IQCE: variants seen among roughly 807,000 people sequenced by gnomAD.
The protein encoded by IQCE is IQ motif containing E.
In IQCE, 115 loss-of-function variants were observed where a neutral mutation model predicts 96.0. The observed-to-expected ratio is 1.20, with a 90% confidence interval of 1.03 to 1.40. IQCE has a LOEUF of 1.40. IQCE is among the 40% of genes most tolerant of loss of function. The pLI is 0.00. For missense variants in IQCE, 1,041 were observed against 909.1 expected, an observed-to-expected ratio of 1.15 and a Z score of -1.87; for synonymous variants, 412 against 371.2, an observed-to-expected ratio of 1.11 and a Z score of -1.26.
Position 2,610,092 on chromosome 7 carries a change from A to G in IQCE, c.2018A>G (p.Asp673Gly). The G allele has an allele frequency of 6.2e-7, 1 of 1,613,188 alleles. No individual in the cohort carries two copies. Among genetic ancestry groups the G allele is most frequent in the South Asian group, 1.1e-5 (1 of 91,070 alleles). ...PQALAPLPGDDVNSDDSDDIV... is the reference protein window; with the variant it reads ...PQALAPLPGDGVNSDDSDDIV... ...GCCTTGGCACCTCTACCTGGGGATG[A>G]CGTCAACTCCGATGATTCCGACGAT... Residue 673 changes from aspartate (D) to glycine (G), a missense_variant, in exon 22 of 22, where the codon GAC (aspartate) becomes GGC (glycine). Physicochemically the swap from Asp to Gly is moderately conservative, Grantham distance 94 (BLOSUM62 -1). Transcript: ENST00000402050.
At chr7:2,587,041 G>T (rs1396690484) in intron 12 of IQCE, among the ~76,000 whole-genome samples, 2 of 152,206 alleles carry the variant, frequency 1.3e-5, no homozygotes, top group Non-Finnish European at 2.9e-5. Flanking sequence ...CTGGATGGGG[G>T]CAGCAGTGGG....
Position 2,570,857 on chromosome 7 carries a change from A to G in IQCE, c.131-669A>G, listed in dbSNP as rs531973835. 2.0e-5 allele frequency among the ~76,000 whole-genome samples: 3 copies of G among 152,286 alleles called. No individual in the cohort carries two copies. The South Asian group carries it at 6.2e-4, about 32-fold the overall frequency. ...AAGTTCTAAATATTGCTCTGTCACT[A>G]TGTAGTGACATTAAAAATGTGACAT... On this transcript the variant is annotated intron_variant, in intron 3 of 21. Coordinates refer to ENST00000402050, the MANE Select transcript of IQCE (RefSeq NM_152558.5).
At chr7:2,593,843 C>T (rs185597557) in intron 15 of IQCE, among the ~76,000 whole-genome samples, 65 of 152,242 alleles carry the variant, frequency 4.3e-4, no homozygotes, top group African/African-American at 1.5e-3. Flanking sequence ...TGAATTATAC[C>T]CTTTAAAATA....
chr7:2,592,074 A>G (rs941627684), intron 14 of IQCE, among the ~76,000 whole-genome samples: 1 of 152,084 alleles, frequency 6.6e-6, no homozygotes, highest in South Asian at 2.1e-4. Context: ...GGCGTGAGCC[A>G]CCGCGCCCGG....
Position 2,571,581 on chromosome 7 carries a change from G to C in IQCE, c.186G>C (p.Thr62=). The C allele has an allele frequency of 1.2e-6, 2 of 1,604,380 alleles. No homozygotes were observed. Among genetic ancestry groups the C allele is most frequent in the Non-Finnish European group, 1.7e-6 (2 of 1,179,964 alleles). The change falls in exon 4 of 22, where the codon ACG becomes ACC. Residue 62 remains threonine, a synonymous_variant. Transcript: ENST00000402050. The stretch of plus-strand genomic sequence containing the variant: ...TGGCCTCCTGGAGGTCCCTCAGGAC[G>C]GCAGGGAGCATGCCTCTGGGCGGCC... ...RKVASWRSLR[T]AGSMPLGGRA...
At chr7:2,584,131 C>A in intron 10 of IQCE, 105 bp from the exon 11 acceptor site, 1 of 1,009,502 alleles carries the variant, frequency 9.9e-7, no homozygotes, top group Non-Finnish European at 1.6e-6. Context: ...TTAGTTCCCG[C>A]TTCTGGCCGT....
At chr7:2,581,053 C>T (rs1387180233) in intron 8 of IQCE, among the ~76,000 whole-genome samples, 4 of 151,992 alleles carry the variant, frequency 2.6e-5, no homozygotes, top group Non-Finnish European at 5.9e-5. Flanking sequence ...CCGTGTTAGC[C>T]AGGATGGTCT....
chr7:2,609,403 C>A (rs1785012149), intron 21 of IQCE, among the ~76,000 whole-genome samples: 1 of 151,744 alleles, frequency 6.6e-6, no homozygotes. Flanking sequence ...ACCTCGGCCT[C>A]CAGAGTCCTG....
intron 6 of IQCE, among the ~76,000 whole-genome samples, chr7:2,575,020 G>A (rs1026502880): frequency 2.6e-5 from 4 of 152,244 alleles, no homozygotes; most frequent in Admixed American, 6.5e-5. Context: ...GCATCTTTGT[G>A]GCGGCTGCCC....
rs1255907213 is a variant in IQCE, at chr7:2,605,632, A to ATAAG, written c.1744-240_1744-237dup. 5.5e-3 allele frequency among the ~76,000 whole-genome samples: 654 copies of ATAAG among 119,880 alleles called. 4 individuals carry two copies. Among genetic ancestry groups the ATAAG allele is most frequent in the African/African-American group, 0.018 (567 of 31,892 alleles). 78.6% of individuals were successfully genotyped at this position (119,880 alleles called of 152,430 possible). A position where few individuals can be genotyped will look rare whatever the true frequency, so the allele number is the denominator to read the frequency against. On this transcript the variant is annotated intron_variant, in intron 19 of 21. Transcript: ENST00000402050. ...GAGACTCCATCTCAAAAATAAATAA[A>ATAAG]TAAGTAAATAAATAAATAAATAAAT...
intron 21 of IQCE, among the ~76,000 whole-genome samples, chr7:2,608,196 C>T (rs1784960448): frequency 1.3e-5 from 2 of 152,206 alleles, no homozygotes; most frequent in Admixed American, 6.5e-5. Context: ...CCCCCAGTAC[C>T]ACTCCAGTAA....
chr7:2,604,352 C>T lies in IQCE; in HGVS notation c.1633-529C>T, dbSNP rs530527265. Reference sequence around the variant, plus strand: ...TCTGAATTTCCTGGCCTCAAGTGATCACCCTGCCTCAGCCTCCCAAAGTGC... The same window carrying T: ...TCTGAATTTCCTGGCCTCAAGTGATTACCCTGCCTCAGCCTCCCAAAGTGC... On this transcript the variant is annotated intron_variant, in intron 18 of 21. Coordinates refer to ENST00000402050, the MANE Select transcript of IQCE (RefSeq NM_152558.5). Among the ~76,000 whole-genome samples the T allele has an allele frequency of 7.2e-5, 11 of 152,152 alleles. No homozygotes were observed. The South Asian group carries it at 2.3e-3, about 32-fold the overall frequency.
chr7:2,567,697 G>A (rs973093030), intron 2 of IQCE, among the ~76,000 whole-genome samples: 2 of 152,312 alleles, frequency 1.3e-5, no homozygotes, highest in South Asian at 4.1e-4. Context: ...CTCTTCTCGT[G>A]TATGAGCGAA....
chr7:2,603,115 C>T (rs1271757542), intron 18 of IQCE, among the ~76,000 whole-genome samples: 5 of 152,198 alleles, frequency 3.3e-5, no homozygotes, highest in Non-Finnish European at 5.9e-5. Flanking sequence ...CAACTTCCAA[C>T]ATCCCCGTCT....
Position 2,586,318 on chromosome 7 carries a change from AG to A in IQCE, c.937del (p.Glu313ArgfsTer7). 6.2e-7 allele frequency: 1 copy of A among 1,613,966 alleles called. No homozygotes were observed. The highest frequency in any genetic ancestry group is 8.5e-7 in the Non-Finnish European group (1 of 1,179,918). On this transcript the variant is annotated frameshift_variant, in exon 12 of 22. Coordinates refer to ENST00000402050, the MANE Select transcript of IQCE (RefSeq NM_152558.5). LOFTEE classifies it high-confidence loss of function. Reference sequence around the variant, plus strand: ...CTCACGGAAGAGAACCAGAGCCTGAAGGAGGACCTGGACCGCGTGCTGAGCA... The same window carrying A: ...CTCACGGAAGAGAACCAGAGCCTGAAGAGGACCTGGACCGCGTGCTGAGCA... ...QELTEENQSL[K>X]EDLDRVLSTS...
chr7:2,601,256 C>T (rs1012443598), intron 17 of IQCE, among the ~76,000 whole-genome samples, 185 bp from the exon 18 acceptor site: 2 of 152,196 alleles, frequency 1.3e-5, no homozygotes, highest in African/African-American at 4.8e-5. Flanking sequence ...AATTCTGCCT[C>T]TCACTTTCGT....
chr7:2,605,148 A>G (rs1415647930), intron 19 of IQCE, among the ~76,000 whole-genome samples, 157 bp downstream of exon 19: 2 of 152,280 alleles, frequency 1.3e-5, no homozygotes, highest in East Asian at 3.9e-4. Flanking sequence ...CAGGCCATGC[A>G]GGCTTCTCTG....
Position 2,583,917 on chromosome 7 carries a change from ACCGAG to A in IQCE, c.774+210_774+214del, listed in dbSNP as rs1480592945. On this transcript the variant is annotated intron_variant, in intron 10 of 21. Coordinates refer to ENST00000402050, the MANE Select transcript of IQCE (RefSeq NM_152558.5). ...CACCGTGCTGGGCGGCGGGGCGGGC[ACCGAG>A]CTGGGCGGCGGGGCGGGCACCGAGC... Among the ~76,000 whole-genome samples the A allele has an allele frequency of 8.2e-3, 122 of 14,868 alleles. 28 individuals are homozygous for A. The highest frequency in any genetic ancestry group is 0.035 in the African/African-American group (113 of 3,254). 9.8% of individuals were successfully genotyped at this position (14,868 alleles called of 152,430 possible). A position where few individuals can be genotyped will look rare whatever the true frequency, so the allele number is the denominator to read the frequency against.
At position 2,611,144 on chromosome 7, in the gene IQCE, C is replaced by CT. The variant is rs56334822; in HGVS notation, c.*982_*983insT. 21,378 of 129,158 alleles carry CT rather than the reference C, an allele frequency of 0.17. 2,009 individuals carry two copies. The highest frequency in any genetic ancestry group is 0.19 in the African/African-American group (6,626 of 35,432). 8.0% of individuals were successfully genotyped at this position (129,158 alleles called of 1,614,324 possible). A position where few individuals can be genotyped will look rare whatever the true frequency, so the allele number is the denominator to read the frequency against. On this transcript the variant is annotated 3_prime_UTR_variant, in exon 22 of 22. Transcript: ENST00000402050. ...TGGGCTGGGCTGGGCTGGGCTGGGC[C>CT]GGGCGTGCGGAGCCTGTGGAGCCAG...
Sources: allele counts gnomAD v4.1 joint callset (sites outside exome capture counted in the v4.1 genomes callset), GRCh38; gene constraint gnomAD v4.1.1; transcripts MANE v1.5; gene names NCBI Gene and HGNC (gene_info 2026-07-23, HGNC 2026-07-21).